The following SCFD2 variants were observed in gnomAD, a reference collection of about 807,000 sequenced individuals.
SCFD2 encodes sec1 family domain containing 2, also known as sec1 family domain-containing protein 2.
Under a neutral mutation model 58.9 loss-of-function variants are expected in SCFD2, and 54 were observed. The observed-to-expected ratio is 0.92, with a 90% CI of 0.74 to 1.15. The LOEUF is 1.15. SCFD2 is among the 50% of genes most tolerant of loss of function. The pLI is 0.00. For synonymous variants in SCFD2, 321 were observed against 335.9 expected (o/e 0.96, Z 0.49); for missense variants, 805 against 836.6 (o/e 0.96, Z 0.47).
chr4:53,051,163 A>G (rs1723182102), intron 5 of SCFD2, among the ~76,000 whole-genome samples: 1 of 152,202 alleles, frequency 6.6e-6, no homozygotes, highest in South Asian at 2.1e-4. Context: ...ATGAAGATGT[A>G]TTGAACACAA....
chr4:53,237,379 C>T (rs570613489), intron 4 of SCFD2, among the ~76,000 whole-genome samples: 1 of 151,348 alleles, frequency 6.6e-6, no homozygotes, highest in South Asian at 2.1e-4. Flanking sequence ...GGGGTGGTGG[C>T]CGGGCAGACG....
intron 7 of SCFD2, among the ~76,000 whole-genome samples, chr4:52,900,841 C>T (rs182848819): frequency 6.6e-5 from 10 of 152,312 alleles, no homozygotes; most frequent in African/African-American, 1.4e-4. Context: ...TGAGCAATGG[C>T]GGGCACCCCT....
At chr4:53,248,228 C>T (rs542044396) in intron 4 of SCFD2, among the ~76,000 whole-genome samples, 7 of 152,312 alleles carry the variant, frequency 4.6e-5, no homozygotes, top group East Asian at 1.9e-4. Context: ...GCTTAGGAAA[C>T]GGCGCACCAG....
chr4:53,007,801 A>C (rs1380097660), intron 5 of SCFD2, among the ~76,000 whole-genome samples: 1 of 152,226 alleles, frequency 6.6e-6, no homozygotes, highest in Non-Finnish European at 1.5e-5. Context: ...ATTTATAAGC[A>C]TGAGGAGCAT....
chr4:53,187,751 G>A (rs1727779561), intron 4 of SCFD2, among the ~76,000 whole-genome samples: 1 of 151,942 alleles, frequency 6.6e-6, no homozygotes, highest in Admixed American at 6.6e-5. Flanking sequence ...ACACAAGAAA[G>A]ATCTGAAAGG....
At chr4:53,049,089 T>G (rs1348271507) in intron 5 of SCFD2, among the ~76,000 whole-genome samples, 1 of 152,224 alleles carries the variant, frequency 6.6e-6, no homozygotes, top group Non-Finnish European at 1.5e-5. Context: ...CAGAATGGCG[T>G]ACCTTCTTTC....
At chr4:52,971,227 G>T (rs921418736) in intron 5 of SCFD2, among the ~76,000 whole-genome samples, 3 of 152,144 alleles carry the variant, frequency 2.0e-5, no homozygotes, top group Non-Finnish European at 4.4e-5. Flanking sequence ...CCGAGCAAAA[G>T]GAGGAAGTTT....
At chr4:53,144,998 G>A (rs1017715775) in intron 5 of SCFD2, among the ~76,000 whole-genome samples, 2 of 152,146 alleles carry the variant, frequency 1.3e-5, no homozygotes, top group Non-Finnish European at 2.9e-5. Flanking sequence ...GGCAGCATTC[G>A]ATTCTCATAG....
At chr4:53,287,763 C>A (rs978311456) in intron 3 of SCFD2, among the ~76,000 whole-genome samples, 14 of 151,734 alleles carry the variant, frequency 9.2e-5, no homozygotes, top group Non-Finnish European at 1.6e-4. Flanking sequence ...TTATGAATTG[C>A]CTAAAAAGAA....
At chr4:53,301,959 A>G (rs753185440) in intron 3 of SCFD2, among the ~76,000 whole-genome samples, 16 of 152,294 alleles carry the variant, frequency 1.1e-4, no homozygotes, top group Middle Eastern at 6.8e-3. Context: ...TCTCAAAATA[A>G]TAAGAGCTAT....
rs74711505 is a variant in SCFD2 at position 53,021,997 on chromosome 4, G to A, written c.1562-101127C>T. Among the ~76,000 whole-genome samples, 1,348 of 152,222 alleles carry A rather than the reference G, an allele frequency of 8.9e-3. 15 individuals carry two copies. The highest frequency in any genetic ancestry group is 0.031 in the African/African-American group (1,289 of 41,546). On this transcript the variant is annotated intron_variant, in intron 5 of 8. Transcript: ENST00000401642. ...GCATCCTGGTGTGAAAAATGAGGAG[G>A]GGGTCACAGGTCCATGTATCATAGA...
intron 1 of SCFD2, among the ~76,000 whole-genome samples, 181 bp downstream of exon 1, chr4:53,364,923 C>CA (rs1734649116): frequency 6.6e-6 from 1 of 152,212 alleles, no homozygotes; most frequent in African/African-American, 2.4e-5. Context: ...ATTGCTAATT[C>CA]ACCTGTCTGT....
In SCFD2 at chr4:53,047,139, T is replaced by C. The variant is rs1723060894; in HGVS notation, c.1561+98194A>G. 3.3e-5 allele frequency among the ~76,000 whole-genome samples: 5 copies of C among 152,304 alleles called. No individual in the cohort carries two copies. In the South Asian group the frequency reaches 1.0e-3, roughly 32 times the overall value. ...CACAAAGTTCCTGCTCCCCTGCCAT[T>C]CTCAAAAGTGTGAAATCCCAATTCT... On this transcript the variant is annotated intron_variant, in intron 5 of 8. Coordinates refer to ENST00000401642, the MANE Select transcript of SCFD2 (RefSeq NM_152540.4).
intron 4 of SCFD2, among the ~76,000 whole-genome samples, chr4:53,209,021 C>G (rs1728522006): frequency 6.6e-6 from 1 of 152,074 alleles, no homozygotes. Flanking sequence ...TTAAGACAAA[C>G]CCTCTCAGTT....
At chr4:53,164,804 A>AAAAAAAG (rs1553882340) in intron 4 of SCFD2, among the ~76,000 whole-genome samples, 13 of 143,918 alleles carry the variant, frequency 9.0e-5, no homozygotes, top group East Asian at 2.0e-4. Context: ...AAAAAAAAAA[A>AAAAAAAG]AAGAAGAAGA....
At chr4:53,088,206 T>C (rs1385012145) in intron 5 of SCFD2, among the ~76,000 whole-genome samples, 1 of 152,220 alleles carries the variant, frequency 6.6e-6, no homozygotes, top group Admixed American at 6.5e-5. Context: ...AAGCCAGGTA[T>C]GATCCTCTAA....
chr4:53,191,318 T>C (rs188358603), intron 4 of SCFD2, among the ~76,000 whole-genome samples: 4 of 151,976 alleles, frequency 2.6e-5, no homozygotes, highest in African/African-American at 9.6e-5. Context: ...AAATAAGAAA[T>C]AAATAAACAA....
At chr4:53,361,056 GCTA>G (rs1734535184) in intron 1 of SCFD2, among the ~76,000 whole-genome samples, 1 of 152,044 alleles carries the variant, frequency 6.6e-6, no homozygotes. Context: ...ACACAAACCT[GCTA>G]CTGAGTACCT....
chr4:53,287,303 C>CT (rs1731699947), intron 3 of SCFD2, among the ~76,000 whole-genome samples: 1 of 152,164 alleles, frequency 6.6e-6, no homozygotes, highest in Non-Finnish European at 1.5e-5. Flanking sequence ...CTATCACTGC[C>CT]TGTGGACCAT....
Sources: gnomAD v4.1 joint callset for allele counts (sites outside exome capture counted in the v4.1 genomes callset) on GRCh38, gnomAD v4.1.1 for gene constraint, MANE v1.5 for transcripts, NCBI Gene and HGNC (gene_info 2026-07-23, HGNC 2026-07-21) for gene names.